Variants in TOR1A observed in about 807,000 individuals in gnomAD.
The protein encoded by TOR1A is torsin family 1 member A.
Under a neutral mutation model 31.4 loss-of-function variants are expected in TOR1A, and 18 were observed. The observed-to-expected ratio is 0.57, with a 90% CI of 0.40 to 0.85. The LOEUF (loss-of-function observed/expected upper bound fraction) is 0.85. TOR1A is among the 40% of genes least tolerant of loss of function. TOR1A has a pLI of 0.00. For synonymous variants in TOR1A, 168 were observed against 165.9 expected (o/e 1.01, Z -0.10); for missense variants, 375 against 416.4 (o/e 0.90, Z 0.87).
intron 4 of TOR1A, among the ~76,000 whole-genome samples, chr9:129,814,564 C>G (rs1271891725): frequency 6.6e-6 from 1 of 151,804 alleles, no homozygotes; most frequent in East Asian, 1.9e-4. Context: ...GTGGGGAAGG[C>G]AGATGTTAAC....
intron 4 of TOR1A, among the ~76,000 whole-genome samples, chr9:129,815,270 T>C (rs1375990361): frequency 6.6e-6 from 1 of 152,046 alleles, no homozygotes; most frequent in Admixed American, 6.6e-5. Context: ...ACTGACAGAG[T>C]GGAGCCTATG....
intron 4 of TOR1A, among the ~76,000 whole-genome samples, chr9:129,816,016 G>A (rs997710007): frequency 1.3e-5 from 2 of 151,960 alleles, no homozygotes; most frequent in African/African-American, 4.8e-5. Flanking sequence ...GGACCCTCCA[G>A]GCCTCTCTCT....
At chr9:129,816,674 C>A (rs1430877230) in intron 4 of TOR1A, among the ~76,000 whole-genome samples, 1 of 152,186 alleles carries the variant, frequency 6.6e-6, no homozygotes, top group Non-Finnish European at 1.5e-5. Flanking sequence ...CTGCCCGACT[C>A]CCAGGTTGGC....
Position 129,824,079 on chromosome 9 carries a change from G to A in TOR1A, c.7C>T (p.Leu3=), listed in dbSNP as rs1033862803. 5 of 1,583,322 alleles carry A rather than the reference G, an allele frequency of 3.2e-6. No individual in the cohort carries two copies. In the Admixed American group the frequency reaches 7.1e-5, roughly 22 times the overall value. ...AGCAGGCCCAGCACGGCCCGGCCCA[G>A]CTTCATGCCCGGACCCGCGCCACCC... MK[L]GRAVLGLLLL... Residue 3 remains leucine, a synonymous_variant, in exon 1 of 5, where the codon CTG becomes TTG. Transcript: ENST00000351698.
At chr9:129,815,949 T>G (rs7026799) in intron 4 of TOR1A, among the ~76,000 whole-genome samples, 1 of 152,066 alleles carries the variant, frequency 6.6e-6, no homozygotes, top group African/African-American at 2.4e-5. Context: ...CTGTCCTCCA[T>G]CCAGTTGCCA....
rs2274505 is a variant in TOR1A, at chr9:129,814,994, G to A, written c.749-772C>T. The stretch of plus-strand genomic sequence containing the variant: ...TGGCCGTGTTTTCTCCCCTGAATGC[G>A]GGCTGGCTCTGCACTGACCCGTCCA... On this transcript the variant is annotated intron_variant, in intron 4 of 4. Coordinates refer to ENST00000351698, the MANE Select transcript of TOR1A (RefSeq NM_000113.3). Among the ~76,000 whole-genome samples, 19 of 152,286 alleles carry A rather than the reference G, an allele frequency of 1.2e-4. No individual in the cohort carries two copies. The East Asian group carries it at 3.7e-3, about 29-fold the overall frequency.
chr9:129,822,248 A>G (rs1278488973), intron 2 of TOR1A: 1 of 367,650 alleles, frequency 2.7e-6, no homozygotes, highest in East Asian at 7.1e-5. Flanking sequence ...CCGGGTAAGA[A>G]GAGTGAAACT....
intron 4 of TOR1A, among the ~76,000 whole-genome samples, chr9:129,816,346 T>C (rs1285989210): frequency 6.6e-6 from 1 of 152,164 alleles, no homozygotes; most frequent in Non-Finnish European, 1.5e-5. Flanking sequence ...TTTCTTGATT[T>C]TTTTCCCCTA....
In TOR1A at chr9:129,813,404, G is replaced by C; in HGVS notation, c.*568C>G. 1.1e-5 allele frequency: 2 copies of C among 186,028 alleles called. No homozygotes were observed. Among genetic ancestry groups the C allele is most frequent in the Admixed American group, 1.1e-4 (2 of 18,328 alleles). 11.5% of individuals were successfully genotyped at this position (186,028 alleles called of 1,614,324 possible). On this transcript the variant is annotated 3_prime_UTR_variant, in exon 5 of 5. Coordinates refer to ENST00000351698, the MANE Select transcript of TOR1A (RefSeq NM_000113.3). ...CACTTCACTGCCCCTGGCAGCATCCGCTGGGACCATCCTGGGACAGAGCTG... is the reference window on the plus strand; with the variant it reads ...CACTTCACTGCCCCTGGCAGCATCCCCTGGGACCATCCTGGGACAGAGCTG...
Position 129,824,108 on chromosome 9 carries a change from T to G in TOR1A, c.-23A>C. ...CATGCCCGGACCCGCGCCACCCTGC[T>G]TGTTCTCGCGCCGACCGCGAACCGG... On this transcript the variant is annotated 5_prime_UTR_variant, in exon 1 of 5. Transcript: ENST00000351698. 5.2e-6 allele frequency: 8 copies of G among 1,550,704 alleles called. No individual in the cohort carries two copies. Among genetic ancestry groups the G allele is most frequent in the Non-Finnish European group, 6.9e-6 (8 of 1,153,316 alleles).
intron 4 of TOR1A, 195 bp downstream of exon 4, chr9:129,818,325 G>T: frequency 1.3e-6 from 1 of 785,588 alleles, no homozygotes; most frequent in Non-Finnish European, 2.1e-6. Flanking sequence ...AACAGCACTT[G>T]TCAAACATTA....
At chr9:129,818,465 C>A in intron 4 of TOR1A, 55 bp downstream of exon 4, 1 of 1,610,924 alleles carries the variant, frequency 6.2e-7, no homozygotes. Flanking sequence ...GCTTTTAACA[C>A]TTAGGGTGCA....
rs533857331 is a variant in TOR1A, at chr9:129,822,620, T to C, written c.405A>G (p.Thr135=). 6.8e-6 allele frequency: 11 copies of C among 1,614,090 alleles called. No individual in the cohort carries two copies. Among genetic ancestry groups the C allele is most frequent in the Non-Finnish European group, 9.3e-6 (11 of 1,180,042 alleles). Residue 135 remains threonine, a synonymous_variant, in exon 2 of 5, where the codon ACA becomes ACG. Coordinates refer to ENST00000351698, the MANE Select transcript of TOR1A (RefSeq NM_000113.3). ...NSDYVHLFVA[T]LHFPHASNIT... ...TGTTTGAAGCATGTGGAAAGTGCAA[T>C]GTGGCCACAAACAGGTGGACATAGT...
rs142909469 is a variant in TOR1A at position 129,818,877 on chromosome 9, G to A, written c.488C>T (p.Ala163Val). Residue 163 changes from alanine to valine, a missense_variant, in exon 3 of 5, where the codon GCG becomes GTG. Ala to Val is a moderately conservative substitution (Grantham distance 64). Transcript: ENST00000351698. ...LWIRGNVSAC[A>V]RSIFIFDEMD... ...TTCATCAAATATGAAGATGGACCTC[G>A]CACAGGCACTCACGTTGCCTCGAAT... is the stretch of plus-strand genomic sequence containing the variant. The A allele has an allele frequency of 3.1e-4, 495 of 1,613,766 alleles. No individual in the cohort carries two copies. Among genetic ancestry groups the A allele is most frequent in the Middle Eastern group, 4.9e-4 (3 of 6,062 alleles).
rs773506074 is a variant in TOR1A at position 129,818,584 on chromosome 9, C to T, written c.684G>A (p.Arg228=). The T allele has an allele frequency of 6.2e-7, 1 of 1,614,196 alleles. No individual in the cohort carries two copies. Among genetic ancestry groups the T allele is most frequent in the Non-Finnish European group, 8.5e-7 (1 of 1,180,032 alleles). ...ALDFWRSGKQ[R]EDIKLKDIEH... is the part of the protein sequence containing the mutation. Reference sequence around the variant, plus strand: ...CAATGTCTTTGAGCTTGATGTCTTCCCTCTGCTTTCCACTCCTCCAGAAAT... The same window carrying T: ...CAATGTCTTTGAGCTTGATGTCTTCTCTCTGCTTTCCACTCCTCCAGAAAT... Residue 228 remains arginine, a synonymous_variant, in exon 4 of 5, where the codon AGG becomes AGA. Coordinates refer to ENST00000351698, the MANE Select transcript of TOR1A (RefSeq NM_000113.3).
chr9:129,813,556 AAC>A lies in TOR1A; in HGVS notation c.*414_*415del, dbSNP rs538177206. On this transcript the variant is annotated 3_prime_UTR_variant, in exon 5 of 5. Transcript: ENST00000351698. ...TAATAATGATGAGAACTTAAAAAAA[AAC>A]ACACACACAAGGCCAACAACTTAGA... The A allele has an allele frequency of 5.3e-5, 16 of 300,312 alleles. No homozygotes were observed. Among genetic ancestry groups the A allele is most frequent in the Non-Finnish European group, 8.4e-5 (13 of 155,140 alleles). The allele number at this position is 300,312 out of a possible 1,614,324, so 18.6% of individuals were successfully genotyped here.
In TOR1A at chr9:129,824,124, C is replaced by T. The variant is rs762543866; in HGVS notation, c.-39G>A. The T allele has an allele frequency of 9.7e-6, 15 of 1,538,996 alleles. No individual in the cohort carries two copies. The highest frequency in any genetic ancestry group is 4.9e-5 in the East Asian group (2 of 41,062). On this transcript the variant is annotated 5_prime_UTR_variant, in exon 1 of 5. Transcript: ENST00000351698. ...CCACCCTGCTTGTTCTCGCGCCGAC[C>T]GCGAACCGGTGCAGCCGCCAGACCC... is the stretch of plus-strand genomic sequence containing the variant.
At chr9:129,820,442 G>C (rs2031157519) in intron 2 of TOR1A, among the ~76,000 whole-genome samples, 1 of 152,086 alleles carries the variant, frequency 6.6e-6, no homozygotes, top group Non-Finnish European at 1.5e-5. Context: ...ATTTTACTGT[G>C]ACCTCCCAAA....
chr9:129,820,995 C>T (rs1416730737), intron 2 of TOR1A, among the ~76,000 whole-genome samples: 1 of 152,168 alleles, frequency 6.6e-6, no homozygotes, highest in Non-Finnish European at 1.5e-5. Flanking sequence ...TCCATAGATA[C>T]AGTCAGGGAT....
Sources: allele counts gnomAD v4.1 joint callset (sites outside exome capture counted in the v4.1 genomes callset), GRCh38; gene constraint gnomAD v4.1.1; transcripts MANE v1.5; gene names NCBI Gene and HGNC (gene_info 2026-07-23, HGNC 2026-07-21).